Variants in GALNT13 observed in about 807,000 individuals in gnomAD.
The protein encoded by GALNT13 is UDP-GalNAc:polypeptide N-acetylgalactosaminyltransferase 13.
GALNT13 carries 28 observed loss-of-function variants against 64.2 expected under a neutral mutation model. The ratio of observed to expected loss-of-function variants is 0.44; its 90% confidence interval spans 0.32 to 0.60. The LOEUF (loss-of-function observed/expected upper bound fraction) is 0.60, where lower values mean the gene tolerates loss of function less well. Ranked by LOEUF, GALNT13 falls within the 20% of genes least tolerant of loss-of-function variation. GALNT13 has a pLI of 0.05. For missense variants in GALNT13, 577 were observed against 669.8 expected (o/e 0.86, Z 1.53); for synonymous variants, 214 against 224.6 (o/e 0.95, Z 0.42).
At chr2:154,027,917 C>A (rs1165296448) in intron 3 of GALNT13, among the ~76,000 whole-genome samples, 1 of 152,068 alleles carries the variant, frequency 6.6e-6, no homozygotes, top group East Asian at 1.9e-4. Context: ...TTACATATTG[C>A]ACATCAAGAA....
At chr2:154,287,271 C>T in intron 8 of GALNT13, 1 of 777,050 alleles carries the variant, frequency 1.3e-6, no homozygotes. Flanking sequence ...TCCAAGACAG[C>T]AGAGCTGATC....
intron 4 of GALNT13, among the ~76,000 whole-genome samples, chr2:154,164,527 T>C (rs936674320): frequency 6.6e-6 from 1 of 152,058 alleles, no homozygotes; most frequent in Non-Finnish European, 1.5e-5. Flanking sequence ...ACACACAAAA[T>C]CTAAACTTGG....
chr2:153,126,970 G>A, the GALNT13 span, among the ~76,000 whole-genome samples: 3 of 152,158 alleles, frequency 2.0e-5, no homozygotes, highest in South Asian at 6.2e-4. Flanking sequence ...TTTCAGGGCA[G>A]ATGTGAGGAG....
chr2:153,288,163 G>C, the GALNT13 span, among the ~76,000 whole-genome samples: 1 of 152,144 alleles, frequency 6.6e-6, no homozygotes, highest in Admixed American at 6.5e-5. Flanking sequence ...CATGTGCAAA[G>C]ATTTGCTTGT....
intron 1 of GALNT13, among the ~76,000 whole-genome samples, chr2:153,883,204 A>T (rs1230114665): frequency 6.6e-6 from 1 of 151,422 alleles, no homozygotes; most frequent in Non-Finnish European, 1.5e-5. Context: ...AATATTTTCA[A>T]ATATTTTAAG....
At chr2:153,082,618 TACACACACACACACACACACAC>T in the GALNT13 span, among the ~76,000 whole-genome samples, 49 of 30,182 alleles carry the variant, frequency 1.6e-3, 1 homozygote, top group African/African-American at 6.5e-3. Flanking sequence ...TATATATATA[TACACACACACACACACACACAC>T]ACACACACAC....
the GALNT13 span, among the ~76,000 whole-genome samples, chr2:153,755,563 T>C: frequency 6.6e-6 from 1 of 152,198 alleles, no homozygotes; most frequent in Non-Finnish European, 1.5e-5. Flanking sequence ...GAAAAATACC[T>C]ATTCAGGTCC....
chr2:153,801,441 G>A, the GALNT13 span, among the ~76,000 whole-genome samples: 3 of 151,846 alleles, frequency 2.0e-5, no homozygotes, highest in South Asian at 6.2e-4. Flanking sequence ...ATATTAATTG[G>A]ACTACTTTCA....
chr2:153,708,659 C>G, the GALNT13 span, among the ~76,000 whole-genome samples: 1 of 152,060 alleles, frequency 6.6e-6, no homozygotes, highest in Admixed American at 6.6e-5. Context: ...ACAGATTTAT[C>G]TATTTGTATT....
the GALNT13 span, among the ~76,000 whole-genome samples, chr2:153,087,469 C>T: frequency 6.6e-6 from 1 of 152,038 alleles, no homozygotes; most frequent in Non-Finnish European, 1.5e-5. Context: ...CCTGGTTTTG[C>T]TATTAGGGTG....
intron 4 of GALNT13, among the ~76,000 whole-genome samples, chr2:154,189,216 A>C (rs898081650): frequency 6.6e-6 from 1 of 152,138 alleles, no homozygotes; most frequent in African/African-American, 2.4e-5. Flanking sequence ...ACTAGTGTAT[A>C]GAGATGGAAT....
At chr2:153,214,564 C>T in the GALNT13 span, among the ~76,000 whole-genome samples, 44,253 of 151,996 alleles carry the variant, frequency 0.29, 6,601 homozygotes, top group Middle Eastern at 0.42. Context: ...CTACATTAAA[C>T]AACCATGTGC....
At chr2:154,395,473 T>C (rs1298915895) in intron 9 of GALNT13, among the ~76,000 whole-genome samples, 1 of 152,028 alleles carries the variant, frequency 6.6e-6, no homozygotes, top group Admixed American at 6.6e-5. Context: ...ACTCAATAAA[T>C]CAATAAAAAT....
At chr2:154,072,608 A>G (rs1314892793) in intron 3 of GALNT13, among the ~76,000 whole-genome samples, 6 of 151,934 alleles carry the variant, frequency 3.9e-5, no homozygotes, top group African/African-American at 1.4e-4. Flanking sequence ...ACAGTGTGTC[A>G]CCCAAAAGAT....
chr2:154,246,097 A>G (rs545613854), intron 7 of GALNT13, 115 bp downstream of exon 7: 6 of 614,352 alleles, frequency 9.8e-6, no homozygotes, highest in African/African-American at 7.3e-5. Context: ...TTCAATATAC[A>G]TATACATTAT....
At chr2:153,153,573 T>C in the GALNT13 span, among the ~76,000 whole-genome samples, 6 of 152,018 alleles carry the variant, frequency 3.9e-5, no homozygotes, top group South Asian at 2.1e-4. Context: ...TCATATATGG[T>C]ATAAGGAAGG....
intron 4 of GALNT13, among the ~76,000 whole-genome samples, chr2:154,239,204 T>A: frequency 6.6e-6 from 1 of 152,160 alleles, no homozygotes; most frequent in Non-Finnish European, 1.5e-5. Context: ...TTGGTAGAAA[T>A]ACTTTAAGAT....
At chr2:153,836,566 G>A in the GALNT13 span, among the ~76,000 whole-genome samples, 1 of 151,084 alleles carries the variant, frequency 6.6e-6, no homozygotes, top group Non-Finnish European at 1.5e-5. Context: ...GTGCAGGTTA[G>A]TTACATATGT....
the GALNT13 span, among the ~76,000 whole-genome samples, chr2:153,860,254 T>C: frequency 6.6e-6 from 1 of 152,248 alleles, no homozygotes; most frequent in Non-Finnish European, 1.5e-5. Flanking sequence ...TTGAAGTTAC[T>C]ATCAAAGTGC....
Sources: allele counts gnomAD v4.1 joint callset (sites outside exome capture counted in the v4.1 genomes callset), GRCh38; gene constraint gnomAD v4.1.1; transcripts MANE v1.5; gene names NCBI Gene and HGNC (gene_info 2026-07-23, HGNC 2026-07-21).